Variants in CCSER1 observed in about 807,000 individuals in gnomAD.
CCSER1 encodes the protein serine-rich coiled-coil domain-containing protein 1.
A neutral mutation model predicts 82.0 loss-of-function variants in CCSER1; 41 were observed. The ratio of observed to expected loss-of-function variants is 0.50; its 90% CI spans 0.39 to 0.65. CCSER1 has a LOEUF of 0.65. CCSER1 is among the 30% of genes least tolerant of loss of function. The probability of loss-of-function intolerance (pLI) is 0.00; values close to 1 mark genes in which losing one functional copy is unlikely to be tolerated. For synonymous variants in CCSER1, 414 were observed against 383.9 expected, an observed-to-expected ratio of 1.08 and a Z score of -0.92; for missense variants, 1,119 against 1,064.2, an observed-to-expected ratio of 1.05 and a Z score of -0.72.
intron 10 of CCSER1, among the ~76,000 whole-genome samples, chr4:91,351,269 T>G (rs1748453024): frequency 6.6e-6 from 1 of 152,074 alleles, no homozygotes; most frequent in African/African-American, 2.4e-5. Context: ...TTACATATTC[T>G]TTTACTTGTA....
At chr4:90,588,779 T>C (rs1203033037) in intron 5 of CCSER1, among the ~76,000 whole-genome samples, 1 of 152,166 alleles carries the variant, frequency 6.6e-6, no homozygotes, top group Non-Finnish European at 1.5e-5. Context: ...TTTCCCCTTT[T>C]GCTTGGCTCT....
chr4:90,223,422 C>A (rs1742542561), intron 1 of CCSER1, among the ~76,000 whole-genome samples: 1 of 152,078 alleles, frequency 6.6e-6, no homozygotes, highest in African/African-American at 2.4e-5. Flanking sequence ...GGACCAGAGA[C>A]CCAATTGCAT....
chr4:90,427,536 G>A (rs1757694082), intron 4 of CCSER1, among the ~76,000 whole-genome samples: 2 of 151,512 alleles, frequency 1.3e-5, no homozygotes, highest in Non-Finnish European at 3.0e-5. Flanking sequence ...CTATGGCACT[G>A]TTTAAGAAAT....
At position 90,129,642 on chromosome 4, in the gene CCSER1, G is replaced by C. The variant is rs531550306; in HGVS notation, c.-42+1811G>C. On this transcript the variant is annotated intron_variant, in intron 1 of 10. Coordinates refer to ENST00000509176, the MANE Select transcript of CCSER1 (RefSeq NM_001145065.2). ...AGAAGTTGGTCAACCTATTGTCAGAGTGATTTGTCTTCATTTAAATTAATT... is the reference window on the plus strand; with the variant it reads ...AGAAGTTGGTCAACCTATTGTCAGACTGATTTGTCTTCATTTAAATTAATT... 5.9e-5 allele frequency among the ~76,000 whole-genome samples: 9 copies of C among 152,320 alleles called. No homozygotes were observed. The South Asian group carries it at 8.3e-4, about 14-fold the overall frequency.
chr4:91,520,759 C>T (rs1760414973), intron 10 of CCSER1, among the ~76,000 whole-genome samples: 1 of 151,998 alleles, frequency 6.6e-6, no homozygotes, highest in Non-Finnish European at 1.5e-5. Flanking sequence ...TATGAAATAT[C>T]CTAATTTGTA....
chr4:90,688,691 T>C (rs1320270872), intron 6 of CCSER1, among the ~76,000 whole-genome samples: 3 of 152,136 alleles, frequency 2.0e-5, no homozygotes, highest in Non-Finnish European at 4.4e-5. Context: ...TTCAAATTAT[T>C]TTATGTATAT....
chr4:91,072,159 G>C (rs1721504543), intron 9 of CCSER1, among the ~76,000 whole-genome samples: 1 of 152,096 alleles, frequency 6.6e-6, no homozygotes, highest in African/African-American at 2.4e-5. Context: ...AATGTACCAA[G>C]ATGAGAACTG....
At chr4:91,052,187 G>A (rs977306109) in intron 9 of CCSER1, among the ~76,000 whole-genome samples, 7 of 151,810 alleles carry the variant, frequency 4.6e-5, no homozygotes, top group African/African-American at 1.2e-4. Context: ...ATTTGCTATC[G>A]TTATATAATC....
rs1738476016 is a variant in CCSER1, at chr4:91,229,750, C to T, written c.2217+143756C>T. On this transcript the variant is annotated intron_variant, in intron 10 of 10. Coordinates refer to ENST00000509176, the MANE Select transcript of CCSER1 (RefSeq NM_001145065.2). ...AACACAGGAACAGGAAACCAAACAC[C>T]GCATGTTCTCACTCATTAGTGGGAG... 4.6e-5 allele frequency among the ~76,000 whole-genome samples: 7 copies of T among 152,176 alleles called. No homozygotes were observed. In the South Asian group the frequency reaches 6.2e-4, roughly 14 times the overall value.
At chr4:91,359,603 T>C (rs1207224419) in intron 10 of CCSER1, among the ~76,000 whole-genome samples, 1 of 151,486 alleles carries the variant, frequency 6.6e-6, no homozygotes, top group East Asian at 2.0e-4. Context: ...ATAACAACAA[T>C]ATCTCAAGCG....
chr4:90,985,928 T>C (rs1736544984), intron 9 of CCSER1, among the ~76,000 whole-genome samples: 1 of 151,786 alleles, frequency 6.6e-6, no homozygotes, highest in African/African-American at 2.4e-5. Flanking sequence ...GATTTGTTTT[T>C]TATTCAGTAA....
chr4:90,334,820 A>G (rs980571890), intron 3 of CCSER1, among the ~76,000 whole-genome samples: 2 of 152,160 alleles, frequency 1.3e-5, no homozygotes, highest in Non-Finnish European at 2.9e-5. Context: ...CCATTCTAAT[A>G]TTTTGACTTC....
chr4:90,237,597 A>G (rs1746035942), intron 1 of CCSER1, among the ~76,000 whole-genome samples: 1 of 152,342 alleles, frequency 6.6e-6, no homozygotes, highest in East Asian at 1.9e-4. Context: ...AAGGCAAAAT[A>G]ACAATTTGGG....
At chr4:91,424,644 ATTAG>A (rs1378669471) in intron 10 of CCSER1, among the ~76,000 whole-genome samples, 5 of 152,122 alleles carry the variant, frequency 3.3e-5, no homozygotes, top group Non-Finnish European at 4.4e-5. Flanking sequence ...GTTTCTATAA[ATTAG>A]TTAGAACAGT....
At chr4:91,355,775 C>G (rs1324355866) in intron 10 of CCSER1, among the ~76,000 whole-genome samples, 1 of 152,120 alleles carries the variant, frequency 6.6e-6, no homozygotes, top group Non-Finnish European at 1.5e-5. Context: ...CGAAGCTGCT[C>G]CCATCCACGT....
chr4:91,124,562 C>T (rs1727344361), intron 10 of CCSER1, among the ~76,000 whole-genome samples: 1 of 151,716 alleles, frequency 6.6e-6, no homozygotes, highest in Non-Finnish European at 1.5e-5. Context: ...TCTGTGTTCC[C>T]AACTCCTCTA....
rs141917171 is a variant in CCSER1, at chr4:90,812,512, A to G, written c.2011-3250A>G. Among the ~76,000 whole-genome samples the G allele has an allele frequency of 4.9e-3, 746 of 152,324 alleles. 3 individuals carry two copies. Among genetic ancestry groups the G allele is most frequent in the Non-Finnish European group, 7.2e-3 (490 of 68,032 alleles). ...AGATTGAGCTCTAGTGAAAGGCACA[A>G]TTGTTACAGGGACATCACTAAAGAT... On this transcript the variant is annotated intron_variant, in intron 7 of 10. Coordinates refer to ENST00000509176, the MANE Select transcript of CCSER1 (RefSeq NM_001145065.2).
At chr4:91,176,905 A>T (rs1733439953) in intron 10 of CCSER1, among the ~76,000 whole-genome samples, 1 of 152,306 alleles carries the variant, frequency 6.6e-6, no homozygotes, top group African/African-American at 2.4e-5. Context: ...GCCAGTTTTC[A>T]AAGGGAATCT....
intron 10 of CCSER1, among the ~76,000 whole-genome samples, chr4:91,234,391 A>C (rs1738845603): frequency 6.6e-6 from 1 of 152,044 alleles, no homozygotes; most frequent in African/African-American, 2.4e-5. Context: ...TGTTTCAATT[A>C]AAATAAATCC....
Sources: gnomAD v4.1 joint callset for allele counts (sites outside exome capture counted in the v4.1 genomes callset) on GRCh38, gnomAD v4.1.1 for gene constraint, MANE v1.5 for transcripts, NCBI Gene and HGNC (gene_info 2026-07-23, HGNC 2026-07-21) for gene names.